Variants in ZBTB20 observed in about 807,000 individuals in gnomAD.
ZBTB20 encodes the protein zinc finger and BTB domain containing 20, also known as zinc finger and BTB domain-containing protein 20.
A neutral mutation model predicts 56.9 loss-of-function variants in ZBTB20; 9 were observed. That is an observed-to-expected ratio of 0.16 (90% CI 0.10 to 0.28). ZBTB20 has a LOEUF of 0.28. Ranked by LOEUF, ZBTB20 falls within the 10% of genes least tolerant of loss-of-function variation. The pLI is 1.00. For synonymous variants in ZBTB20, 417 were observed against 420.7 expected, an observed-to-expected ratio of 0.99 and a Z score of 0.11; for missense variants, 655 against 1,003.0, an observed-to-expected ratio of 0.65 and a Z score of 4.69.
intron 6 of ZBTB20, among the ~76,000 whole-genome samples, chr3:114,570,217 G>A (rs1189067146): frequency 1.3e-5 from 2 of 151,942 alleles, no homozygotes; most frequent in Non-Finnish European, 2.9e-5. Context: ...CTCTGGGAAA[G>A]TGAGATCATA....
chr3:114,375,251 C>CA (rs780521433), intron 10 of ZBTB20, among the ~76,000 whole-genome samples: 2 of 152,184 alleles, frequency 1.3e-5, no homozygotes, highest in Non-Finnish European at 2.9e-5. Context: ...AATATATACT[C>CA]AAGCATTCGC....
Position 114,927,376 on chromosome 3 carries a change from TG to T in ZBTB20, c.-455-27035del, listed in dbSNP as rs2076197798. Among the ~76,000 whole-genome samples the T allele has an allele frequency of 2.0e-5, 3 of 152,194 alleles. No homozygotes were observed. The South Asian group carries it at 6.2e-4, about 31-fold the overall frequency. ...AAACCAAGTTATGCTCCGACTGTCTTGGGCACATGTTATCAAAACCTCCTGA... is the reference window on the plus strand; with the variant it reads ...AAACCAAGTTATGCTCCGACTGTCTTGGCACATGTTATCAAAACCTCCTGA... On this transcript the variant is annotated intron_variant, in intron 3 of 11. Coordinates refer to ENST00000675478, the MANE Select transcript of ZBTB20 (RefSeq NM_001348800.3).
chr3:114,503,606 T>G (rs1487605365), intron 6 of ZBTB20, among the ~76,000 whole-genome samples: 1 of 152,146 alleles, frequency 6.6e-6, no homozygotes, highest in African/African-American at 2.4e-5. Context: ...CACAGAGGAT[T>G]AAAAACATTT....
In ZBTB20 at chr3:114,380,365, C is replaced by T. The variant is rs1348291869; in HGVS notation, c.51G>A (p.Glu17=). 2.0e-6 allele frequency: 3 copies of T among 1,536,504 alleles called. No individual in the cohort carries two copies. Among genetic ancestry groups the T allele is most frequent in the Non-Finnish European group, 2.6e-6 (3 of 1,146,636 alleles). ...CACCCGGCTGAGTAATCTCATTCTC[C>T]TCAGATGCCTTCTGGTTTTCAGCTG... ...PKTAENQKAS[E]ENEITQPGGS... is the part of the protein sequence containing the mutation. The change falls in exon 10 of 12, where the codon GAG becomes GAA. Residue 17 remains glutamate (E), a synonymous_variant. Coordinates refer to ENST00000675478, the MANE Select transcript of ZBTB20 (RefSeq NM_001348800.3).
At chr3:114,848,284 T>C (rs776603887) in intron 4 of ZBTB20, among the ~76,000 whole-genome samples, 4 of 151,930 alleles carry the variant, frequency 2.6e-5, no homozygotes, top group African/African-American at 9.7e-5. Flanking sequence ...ACCCAGAAAA[T>C]GGGCACTCCA....
At chr3:114,869,406 G>A (rs1001067806) in intron 4 of ZBTB20, among the ~76,000 whole-genome samples, 2 of 151,924 alleles carry the variant, frequency 1.3e-5, no homozygotes, top group African/African-American at 4.8e-5. Flanking sequence ...TTGCTTCTAT[G>A]TTTTTGACAT....
chr3:114,578,861 T>A (rs2054357896), intron 6 of ZBTB20, among the ~76,000 whole-genome samples: 1 of 151,778 alleles, frequency 6.6e-6, no homozygotes, highest in Non-Finnish European at 1.5e-5. Context: ...GTAGGCATAG[T>A]AATATCTAAA....
intron 5 of ZBTB20, among the ~76,000 whole-genome samples, chr3:114,761,629 G>A (rs546525776): frequency 6.6e-6 from 1 of 152,238 alleles, no homozygotes; most frequent in Admixed American, 6.5e-5. Flanking sequence ...GAAGTCAGGA[G>A]TTCGAGACCA....
intron 3 of ZBTB20, among the ~76,000 whole-genome samples, chr3:114,926,064 A>T (rs2076146223): frequency 6.6e-6 from 1 of 152,180 alleles, no homozygotes. Context: ...CTTAAGACAG[A>T]ATTTATACAC....
At chr3:114,892,047 C>CAA (rs552755438) in intron 4 of ZBTB20, among the ~76,000 whole-genome samples, 16 of 142,184 alleles carry the variant, frequency 1.1e-4, no homozygotes, top group Admixed American at 3.5e-4. Context: ...ACTCCATCTC[C>CAA]AAAAAAAAAA....
At chr3:114,565,206 G>C (rs991128478) in intron 6 of ZBTB20, among the ~76,000 whole-genome samples, 9 of 152,152 alleles carry the variant, frequency 5.9e-5, no homozygotes, top group Non-Finnish European at 1.2e-4. Context: ...TGCTACTTTT[G>C]ACATGAAACA....
chr3:114,754,939 T>C (rs1329833862), intron 5 of ZBTB20, among the ~76,000 whole-genome samples: 1 of 152,208 alleles, frequency 6.6e-6, no homozygotes, highest in East Asian at 1.9e-4. Flanking sequence ...TACACTCATA[T>C]ACTAGAAATG....
chr3:114,694,438 A>G (rs2062879153), intron 5 of ZBTB20, among the ~76,000 whole-genome samples: 1 of 152,098 alleles, frequency 6.6e-6, no homozygotes, highest in South Asian at 2.1e-4. Flanking sequence ...TCACTACCAC[A>G]ATGAAAGCCT....
intron 1 of ZBTB20, among the ~76,000 whole-genome samples, chr3:115,130,665 T>C (rs1172484962): frequency 1.3e-5 from 2 of 152,158 alleles, no homozygotes; most frequent in African/African-American, 2.4e-5. Context: ...AATGCAAATA[T>C]AAAGGAAAAA....
chr3:114,659,774 A>C (rs1297017272), intron 6 of ZBTB20, among the ~76,000 whole-genome samples: 1 of 152,190 alleles, frequency 6.6e-6, no homozygotes, highest in Non-Finnish European at 1.5e-5. Context: ...AAAATAATTC[A>C]TAAAGGAAAA....
chr3:115,020,750 C>T (rs2080170879), intron 2 of ZBTB20, among the ~76,000 whole-genome samples: 1 of 151,006 alleles, frequency 6.6e-6, no homozygotes, highest in Admixed American at 6.6e-5. Flanking sequence ...ACTCTATACA[C>T]ACACACATAT....
intron 4 of ZBTB20, among the ~76,000 whole-genome samples, chr3:114,853,769 T>A (rs2075116699): frequency 6.6e-6 from 1 of 152,184 alleles, no homozygotes; most frequent in Non-Finnish European, 1.5e-5. Context: ...ACAAATAACA[T>A]GGTATATGTG....
At chr3:114,878,805 C>A (rs574694938) in intron 4 of ZBTB20, among the ~76,000 whole-genome samples, 1 of 152,052 alleles carries the variant, frequency 6.6e-6, no homozygotes, top group Non-Finnish European at 1.5e-5. Flanking sequence ...AATAAAGCTG[C>A]GGTCACAACC....
chr3:115,058,050 C>A (rs2108464113), intron 2 of ZBTB20, among the ~76,000 whole-genome samples: 1 of 152,256 alleles, frequency 6.6e-6, no homozygotes, highest in Middle Eastern at 3.4e-3. Context: ...ACCATCAGAT[C>A]TTGTGAGAAC....
Sources: gnomAD v4.1 joint callset for allele counts (sites outside exome capture counted in the v4.1 genomes callset) on GRCh38, gnomAD v4.1.1 for gene constraint, MANE v1.5 for transcripts, NCBI Gene and HGNC (gene_info 2026-07-23, HGNC 2026-07-21) for gene names.